Variants in HIRA observed in about 807,000 individuals in gnomAD.
The protein encoded by HIRA is protein HIRA.
In HIRA, 13 loss-of-function variants were observed where a neutral mutation model predicts 126.6. That is an observed-to-expected ratio of 0.10 (90% CI 0.07 to 0.16). HIRA has a LOEUF of 0.16. Among genes scored for constraint, HIRA ranks in the 10% least tolerant of loss-of-function variants. The pLI, the probability that HIRA is intolerant of heterozygous loss-of-function variation, is 1.00. For synonymous variants in HIRA, 511 were observed against 520.0 expected, an observed-to-expected ratio of 0.98 and a Z score of 0.24; for missense variants, 834 against 1,314.4, an observed-to-expected ratio of 0.63 and a Z score of 5.65.
chr22:19,339,270 A>T (rs1459595416), intron 24 of HIRA, among the ~76,000 whole-genome samples: 1 of 152,242 alleles, frequency 6.6e-6, no homozygotes, highest in East Asian at 1.9e-4. Flanking sequence ...GACACAGCTT[A>T]TCAAAACCTC....
intron 1 of HIRA, among the ~76,000 whole-genome samples, chr22:19,421,205 A>G (rs2089443200): frequency 6.6e-6 from 1 of 152,028 alleles, no homozygotes; most frequent in African/African-American, 2.4e-5. Flanking sequence ...AGGCTGAGGC[A>G]GGAGAATCGC....
At chr22:19,391,396 T>A (rs2089179942) in intron 9 of HIRA, among the ~76,000 whole-genome samples, 2 of 151,990 alleles carry the variant, frequency 1.3e-5, no homozygotes, top group African/African-American at 4.8e-5. Context: ...CTCTAGGCAG[T>A]GATGACACTG....
In HIRA at chr22:19,378,044, T is replaced by C; in HGVS notation, c.1438A>G (p.Asn480Asp). ...DTGDFSTAFF[N>D]SIPLSGSLAG... ...AGGGAGCCCGAGAGGGGGATGCTGT[T>C]AAAGAATGCCGTGGAGAAGTCCCTG... is the stretch of plus-strand genomic sequence containing the variant. Residue 480 changes from asparagine to aspartate, a missense_variant, in exon 14 of 25, where the codon AAC becomes GAC. Transcript: ENST00000263208. The C allele has an allele frequency of 6.3e-7, 1 of 1,588,884 alleles. No homozygotes were observed. The highest frequency in any genetic ancestry group is 8.6e-7 in the Non-Finnish European group (1 of 1,166,150).
Position 19,398,111 on chromosome 22 carries a change from G to A in HIRA, c.398-24C>T, listed in dbSNP as rs144674797. ...ATCTGAAAGAAGACAGAGGGTTCTG[G>A]TGAGATCTCTTACCTGGTGATGCCC... is the stretch of plus-strand genomic sequence containing the variant. On this transcript the variant is annotated intron_variant, in intron 5 of 24. Transcript: ENST00000263208. The A allele has an allele frequency of 2.4e-4, 383 of 1,575,982 alleles. 1 individual carries two copies. In the African/African-American group the frequency reaches 4.9e-3, roughly 20 times the overall value.
At chr22:19,371,023 G>A (rs1014308235) in intron 15 of HIRA, among the ~76,000 whole-genome samples, 4 of 152,196 alleles carry the variant, frequency 2.6e-5, no homozygotes, top group African/African-American at 9.7e-5. Context: ...TTCAGGGTAT[G>A]CACTACATGA....
chr22:19,335,199 T>C lies in HIRA; in HGVS notation c.2938-3643A>G, dbSNP rs148302733. 4.6e-5 allele frequency among the ~76,000 whole-genome samples: 7 copies of C among 152,300 alleles called. No individual in the cohort carries two copies. In the East Asian group the frequency reaches 1.2e-3, roughly 25 times the overall value. On this transcript the variant is annotated intron_variant, in intron 24 of 24. Transcript: ENST00000263208. ...ACTTCACTTCTACATATGTTATAAT[T>C]ACAAACTACATTTTCATTATTTGGC...
chr22:19,334,788 G>C (rs2088545257), intron 24 of HIRA, among the ~76,000 whole-genome samples: 1 of 151,964 alleles, frequency 6.6e-6, no homozygotes, highest in African/African-American at 2.4e-5. Context: ...GCATACAGCT[G>C]GTTGTTATTA....
intron 13 of HIRA, among the ~76,000 whole-genome samples, chr22:19,378,990 G>T (rs186260112): frequency 8.8e-4 from 133 of 151,844 alleles, no homozygotes; most frequent in African/African-American, 2.2e-3. Context: ...GAAGAAAAAT[G>T]GTATCTTATT....
At chr22:19,409,686 A>G (rs1337998125) in intron 2 of HIRA, among the ~76,000 whole-genome samples, 1 of 152,180 alleles carries the variant, frequency 6.6e-6, no homozygotes, top group East Asian at 1.9e-4. Context: ...ACATGCCAAA[A>G]TTACCATAAA....
At chr22:19,347,879 C>T (rs2088704750) in intron 24 of HIRA, among the ~76,000 whole-genome samples, 1 of 152,258 alleles carries the variant, frequency 6.6e-6, no homozygotes, top group African/African-American at 2.4e-5. Flanking sequence ...GCAGAGGTTA[C>T]AGTGAGCTGA....
intron 9 of HIRA, among the ~76,000 whole-genome samples, chr22:19,391,155 C>T (rs145389724): frequency 1.3e-5 from 2 of 152,192 alleles, no homozygotes; most frequent in South Asian, 2.1e-4. Flanking sequence ...GAATGCTACA[C>T]CGAAATTATA....
At chr22:19,420,040 T>TTGTGTG (rs59900884) in intron 1 of HIRA, among the ~76,000 whole-genome samples, 165 of 147,314 alleles carry the variant, frequency 1.1e-3, no homozygotes, top group Middle Eastern at 6.9e-3. Context: ...CATACAACCA[T>TTGTGTG]TGTGTGTGTG....
At position 19,351,898 on chromosome 22, in the gene HIRA, C is replaced by G. The variant is rs1331490206; in HGVS notation, c.2849-452G>C. ...CAAAGGCATGACTGAAGAGGGGCAACTGAGTGGAGGGGGCATAGGTCCATT... is the reference window on the plus strand; with the variant it reads ...CAAAGGCATGACTGAAGAGGGGCAAGTGAGTGGAGGGGGCATAGGTCCATT... On this transcript the variant is annotated intron_variant, in intron 23 of 24. Transcript: ENST00000263208. The surrounding 1 kb of genome is among the most constrained non-coding windows in gnomAD (Gnocchi z 4.8). 6.6e-6 allele frequency among the ~76,000 whole-genome samples: 1 copy of G among 152,016 alleles called. No homozygotes were observed. Among genetic ancestry groups the G allele is most frequent in the African/African-American group, 2.4e-5 (1 of 41,376 alleles).
chr22:19,357,626 C>T (rs535601846), intron 18 of HIRA, among the ~76,000 whole-genome samples: 40 of 152,342 alleles, frequency 2.6e-4, no homozygotes, highest in Non-Finnish European at 3.2e-4. Context: ...GGGCCCTGCA[C>T]GAGCAGGCTG....
intron 1 of HIRA, among the ~76,000 whole-genome samples, chr22:19,420,282 C>A (rs1431088649): frequency 6.6e-6 from 1 of 151,782 alleles, no homozygotes; most frequent in Non-Finnish European, 1.5e-5. Flanking sequence ...ACATGGTGAA[C>A]CCCATCTCTA....
intron 9 of HIRA, among the ~76,000 whole-genome samples, chr22:19,391,068 A>G (rs2146224663): frequency 6.6e-6 from 1 of 152,284 alleles, no homozygotes; most frequent in Admixed American, 6.5e-5. Flanking sequence ...TTTAGTCATA[A>G]TATCTCAAAA....
chr22:19,389,595 G>A (rs530479038), intron 9 of HIRA, among the ~76,000 whole-genome samples: 22 of 152,156 alleles, frequency 1.4e-4, no homozygotes, highest in African/African-American at 4.8e-4. Context: ...TAAGAATCTC[G>A]CCTCCACCTT....
intron 1 of HIRA, among the ~76,000 whole-genome samples, chr22:19,423,795 T>C (rs2089468298): frequency 6.6e-6 from 1 of 152,200 alleles, no homozygotes; most frequent in South Asian, 2.1e-4. Context: ...ATGGGTTTTC[T>C]TTTTGCCAGG....
At chr22:19,385,251 G>A (rs747842233) in intron 12 of HIRA, among the ~76,000 whole-genome samples, 1 of 152,186 alleles carries the variant, frequency 6.6e-6, no homozygotes, top group African/African-American at 2.4e-5. Flanking sequence ...AGGATTTTTA[G>A]AAAGACCAGA....
Sources: allele counts gnomAD v4.1 joint callset (sites outside exome capture counted in the v4.1 genomes callset), GRCh38; gene constraint gnomAD v4.1.1; non-coding constraint Gnocchi (gnomAD v3.1); transcripts MANE v1.5; gene names NCBI Gene and HGNC (gene_info 2026-07-23, HGNC 2026-07-21).